Variants in ASMTL observed in about 807,000 individuals in gnomAD.
ASMTL encodes probable bifunctional dTTP/UTP pyrophosphatase/methyltransferase protein.
ASMTL carries 57 observed loss-of-function variants against 60.3 expected under a neutral mutation model. That is an observed-to-expected ratio of 0.95 (90% CI 0.76 to 1.18). The LOEUF is 1.18. Among genes scored for constraint, ASMTL ranks in the 50% most tolerant of loss-of-function variants. ASMTL has a pLI of 0.00. For synonymous variants in ASMTL, 419 were observed against 373.0 expected (o/e 1.12, Z -1.42); for missense variants, 981 against 852.6 (o/e 1.15, Z -1.88).
At chrX:1,421,891 G>A in intron 8 of ASMTL, 49 bp from the exon 9 acceptor site, 1 of 1,567,916 alleles carries the variant, frequency 6.4e-7, no homozygotes. Context: ...AAAACCCAAG[G>A]AAACCTGACC....
At chrX:1,441,099 A>G (rs1364947514) in intron 2 of ASMTL, among the ~76,000 whole-genome samples, 2 of 152,104 alleles carry the variant, frequency 1.3e-5, no homozygotes, top group African/African-American at 4.8e-5. Context: ...AAATGATATT[A>G]TTTTAATTAA....
chrX:1,412,837 G>T lies in ASMTL; in HGVS notation c.1540C>A (p.Pro514Thr), dbSNP rs1340325924. 6.2e-7 allele frequency: 1 copy of T among 1,613,854 alleles called. No individual in the cohort carries two copies. Among genetic ancestry groups the T allele is most frequent in the African/African-American group, 1.3e-5 (1 of 75,022 alleles). ...HFAAGDFFRD[P>T]LPSAELYVLC... ...ACGTACAGCTCAGCGCTGGGGAGGGGGTCCCTGAAAAAGTCACCTGGTTTA... is the reference window on the plus strand; with the variant it reads ...ACGTACAGCTCAGCGCTGGGGAGGGTGTCCCTGAAAAAGTCACCTGGTTTA... Residue 514 changes from proline (P) to threonine (T), a missense_variant, in exon 12 of 13, where the codon CCC (proline) becomes ACC (threonine). Coordinates refer to ENST00000381317, the MANE Select transcript of ASMTL (RefSeq NM_004192.4).
At chrX:1,436,867 G>A (rs1364749884) in intron 3 of ASMTL, among the ~76,000 whole-genome samples, 10 of 152,174 alleles carry the variant, frequency 6.6e-5, no homozygotes, top group African/African-American at 2.4e-4. Flanking sequence ...AGTCTGACTG[G>A]GCCACCATAG....
At chrX:1,430,258 T>C (rs1485798885) in intron 6 of ASMTL, among the ~76,000 whole-genome samples, 2 of 152,120 alleles carry the variant, frequency 1.3e-5, no homozygotes, top group Non-Finnish European at 2.9e-5. Flanking sequence ...GTGATCCGCC[T>C]GCCTCGGCCT....
chrX:1,426,385 G>C (rs1368900860), intron 7 of ASMTL, among the ~76,000 whole-genome samples: 3 of 152,110 alleles, frequency 2.0e-5, no homozygotes, highest in African/African-American at 7.2e-5. Flanking sequence ...GATGATGAAT[G>C]GCAGGAGGTG....
At chrX:1,416,398 C>CAT (rs1237218066) in intron 11 of ASMTL, among the ~76,000 whole-genome samples, 8,566 of 110,684 alleles carry the variant, frequency 0.077, 2,425 homozygotes, top group Non-Finnish European at 0.1. Context: ...CACACACACA[C>CAT]GGACATACAG....
upstream of ASMTL, chrX:1,453,067 A>G (rs760077224): frequency 3.9e-6 from 2 of 513,322 alleles, no homozygotes; most frequent in African/African-American, 4.0e-5. Context: ...CCCAGGCCAC[A>G]CCTCCATTGC....
At chrX:1,419,223 T>C (rs1282206720) in intron 9 of ASMTL, 109 bp from the exon 10 acceptor site, 6 of 1,301,188 alleles carry the variant, frequency 4.6e-6, no homozygotes, top group Non-Finnish European at 6.4e-6. Flanking sequence ...GCGTGGGGGC[T>C]CAGCCGCGCC....
intron 1 of ASMTL, among the ~76,000 whole-genome samples, chrX:1,444,192 C>T (rs6644947): frequency 0.87 from 130,943 of 149,752 alleles, 57,239 homozygotes; most frequent in East Asian, 0.94. Flanking sequence ...AAACCCTTTG[C>T]TGAGCCACTT....
chrX:1,431,537 AGT>A (rs1198823125), intron 6 of ASMTL, among the ~76,000 whole-genome samples: 17 of 141,152 alleles, frequency 1.2e-4, no homozygotes, highest in Non-Finnish European at 2.1e-4. Flanking sequence ...TTCAATCAAA[AGT>A]GTTAATATAT....
chrX:1,416,083 A>G (rs1228700758), intron 11 of ASMTL, among the ~76,000 whole-genome samples: 2 of 151,162 alleles, frequency 1.3e-5, no homozygotes, highest in East Asian at 3.9e-4. Flanking sequence ...AGATGGGCAC[A>G]CTCACGCACG....
intron 8 of ASMTL, among the ~76,000 whole-genome samples, chrX:1,422,993 C>CCCAGGCTG (rs1266124161): frequency 6.6e-6 from 1 of 151,982 alleles, no homozygotes; most frequent in Non-Finnish European, 1.5e-5. Flanking sequence ...CACTCTGTCC[C>CCCAGGCTG]CCAGGCTGGA....
At chrX:1,411,574 CTG>C (rs1183421608) in intron 12 of ASMTL, among the ~76,000 whole-genome samples, 5 of 133,096 alleles carry the variant, frequency 3.8e-5, no homozygotes, top group Non-Finnish European at 8.2e-5. Context: ...ATGGTGCGTG[CTG>C]TGTGTGTGTG....
chrX:1,446,720 C>A (rs183512861), intron 1 of ASMTL, among the ~76,000 whole-genome samples: 3 of 152,158 alleles, frequency 2.0e-5, no homozygotes, highest in African/African-American at 7.2e-5. Flanking sequence ...AGGATGGTCT[C>A]GATCTCCTGA....
intron 8 of ASMTL, among the ~76,000 whole-genome samples, chrX:1,424,665 G>A (rs1294604299): frequency 6.2e-5 from 8 of 128,164 alleles, no homozygotes; most frequent in African/African-American, 1.5e-4. Context: ...CCGATTCATC[G>A]ATCCATCCAT....
intron 12 of ASMTL, 50 bp downstream of exon 12, chrX:1,412,682 C>G (rs1470943536): frequency 6.2e-7 from 1 of 1,612,654 alleles, no homozygotes; most frequent in Admixed American, 1.7e-5. Flanking sequence ...AACTTGAACC[C>G]AAAATACTAC....
At chrX:1,438,336 C>G (rs2091025425) in intron 3 of ASMTL, among the ~76,000 whole-genome samples, 1 of 152,048 alleles carries the variant, frequency 6.6e-6, no homozygotes, top group African/African-American at 2.4e-5. Flanking sequence ...GGGGAGAAGG[C>G]CACATGGAGA....
rs2090392543 is a variant in ASMTL, at chrX:1,418,901, T to C, written c.1378+81A>G. 6 of 1,561,930 alleles carry C rather than the reference T, an allele frequency of 3.8e-6. No homozygotes were observed. In the Admixed American group the frequency reaches 8.5e-5, roughly 22 times the overall value. ...CAGGTTTGTCAATGGAAAAAGGCAG[T>C]TGGTAGGTGTCCTGAGCAGGGAAGA... is the stretch of plus-strand genomic sequence containing the variant. On this transcript the variant is annotated intron_variant, in intron 10 of 12. Coordinates refer to ENST00000381317, the MANE Select transcript of ASMTL (RefSeq NM_004192.4).
At chrX:1,412,005 C>T (rs186928693) in intron 12 of ASMTL, among the ~76,000 whole-genome samples, 7 of 151,826 alleles carry the variant, frequency 4.6e-5, no homozygotes, top group East Asian at 3.9e-4. Flanking sequence ...TTAATAGAGA[C>T]GGGGTTTCAC....
Sources: allele counts gnomAD v4.1 joint callset (sites outside exome capture counted in the v4.1 genomes callset), GRCh38; gene constraint gnomAD v4.1.1; transcripts MANE v1.5; gene names NCBI Gene and HGNC (gene_info 2026-07-23, HGNC 2026-07-21).